Variants in ELAVL4 observed in about 807,000 individuals in gnomAD.
ELAVL4 encodes ELAV-like protein 4.
ELAVL4 carries 1 observed loss-of-function variant against 35.6 expected under a neutral mutation model. The observed-to-expected ratio is 0.03, with a 90% CI of 0.01 to 0.13. ELAVL4 has a LOEUF of 0.13. Among genes scored for constraint, ELAVL4 ranks in the 10% least tolerant of loss-of-function variants. The pLI is 1.00. For missense variants in ELAVL4, 267 were observed against 464.9 expected (o/e 0.57, Z 3.91); for synonymous variants, 156 against 171.0 (o/e 0.91, Z 0.69).
At chr1:50,106,228 G>A (rs1341852462), upstream of ELAVL4, 1 of 1,335,886 alleles carries the variant, frequency 7.5e-7, no homozygotes, top group East Asian at 2.4e-5. Context: ...ATTGGCTTCT[G>A]GTACAGTCCA....
At chr1:50,177,948 A>G (rs1334153664) in intron 3 of ELAVL4, among the ~76,000 whole-genome samples, 2 of 152,202 alleles carry the variant, frequency 1.3e-5, no homozygotes, top group Non-Finnish European at 2.9e-5. Flanking sequence ...AAGGAGGTTT[A>G]AGTTTCTGTC....
chr1:50,199,869 A>G (rs954679563), intron 6 of ELAVL4, among the ~76,000 whole-genome samples: 8 of 152,252 alleles, frequency 5.3e-5, no homozygotes, highest in African/African-American at 7.2e-5. Flanking sequence ...GATTTATTTC[A>G]TCAGACAGTG....
intron 2 of ELAVL4, among the ~76,000 whole-genome samples, chr1:50,153,522 T>C (rs1217610946): frequency 3.3e-5 from 5 of 152,136 alleles, no homozygotes; most frequent in Admixed American, 6.5e-5. Flanking sequence ...GAAGACAACA[T>C]CAGTTATGGG....
intron 1 of ELAVL4, among the ~76,000 whole-genome samples, chr1:50,056,359 G>A (rs77432783): frequency 2.6e-4 from 40 of 152,290 alleles, no homozygotes; most frequent in African/African-American, 9.1e-4. Context: ...ACATAAGTAC[G>A]TTTAGGTCAA....
intron 2 of ELAVL4, 27 bp downstream of exon 2, chr1:50,145,224 G>T (rs1209235923): frequency 2.5e-6 from 4 of 1,612,892 alleles, no homozygotes; most frequent in Admixed American, 3.3e-5. Flanking sequence ...AAGCTATGTT[G>T]TTCCATTAGA....
intron 1 of ELAVL4, among the ~76,000 whole-genome samples, chr1:50,079,489 G>A (rs996265887): frequency 1.3e-5 from 2 of 152,140 alleles, no homozygotes; most frequent in African/African-American, 2.4e-5. Flanking sequence ...GAGGGTGTCA[G>A]GTCTTTATAC....
At chr1:50,119,838 T>C (rs1205227567) in intron 1 of ELAVL4, among the ~76,000 whole-genome samples, 1 of 151,852 alleles carries the variant, frequency 6.6e-6, no homozygotes, top group Non-Finnish European at 1.5e-5. Flanking sequence ...TGCCCTATGG[T>C]GTCAGTTTGA....
chr1:50,175,670 T>C (rs995872762), intron 2 of ELAVL4: 1 of 152,260 alleles, frequency 6.6e-6, no homozygotes, highest in African/African-American at 2.4e-5. Flanking sequence ...CTTGTGATTC[T>C]CTTTGCTCCA....
intron 1 of ELAVL4, among the ~76,000 whole-genome samples, chr1:50,131,905 A>G (rs989188846): frequency 2.6e-5 from 4 of 151,474 alleles, no homozygotes; most frequent in African/African-American, 9.7e-5. Flanking sequence ...AAAAAAAACC[A>G]GAAGTTTGCA....
intron 1 of ELAVL4, among the ~76,000 whole-genome samples, chr1:50,056,891 C>T (rs537415126): frequency 1.8e-3 from 266 of 149,562 alleles, no homozygotes; most frequent in Non-Finnish European, 3.1e-3. Context: ...AAGATCGTGC[C>T]ACTGCACTCC....
At chr1:50,062,111 T>C (rs1664013177) in intron 1 of ELAVL4, among the ~76,000 whole-genome samples, 1 of 152,220 alleles carries the variant, frequency 6.6e-6, no homozygotes. Flanking sequence ...GAAGTTCATG[T>C]TCATCCAGTT....
At chr1:50,145,744 C>T (rs954609689) in intron 2 of ELAVL4, among the ~76,000 whole-genome samples, 1 of 152,170 alleles carries the variant, frequency 6.6e-6, no homozygotes, top group Non-Finnish European at 1.5e-5. Flanking sequence ...TAATGAAGAT[C>T]TGCATTTGAG....
rs1186919882 is a variant in ELAVL4 at position 50,201,250 on chromosome 1, CAT to C, written c.*74_*75del. ...CAAAACACACGCGCGCACACACACACATACACGAAAGAGAGAGAAACAAACTT... is the reference window on the plus strand; with the variant it reads ...CAAAACACACGCGCGCACACACACACACACGAAAGAGAGAGAAACAAACTT... On this transcript the variant is annotated 3_prime_UTR_variant, in exon 7 of 7. Transcript: ENST00000371824. The surrounding 1 kb of genome is among the most constrained non-coding windows in gnomAD (Gnocchi z 4.3). 13 of 1,432,804 alleles carry C rather than the reference CAT, an allele frequency of 9.1e-6. No homozygotes were observed. In the South Asian group the frequency reaches 1.4e-4, roughly 15 times the overall value. 88.8% of individuals were successfully genotyped at this position (1,432,804 alleles called of 1,614,324 possible).
chr1:50,192,415 G>C (rs1457210995), intron 3 of ELAVL4, among the ~76,000 whole-genome samples: 1 of 152,018 alleles, frequency 6.6e-6, no homozygotes, highest in Non-Finnish European at 1.5e-5. Flanking sequence ...TCCCCTGAAG[G>C]TCACAGAAGC....
chr1:50,086,407 C>T (rs1464453523), intron 1 of ELAVL4, among the ~76,000 whole-genome samples: 1 of 151,042 alleles, frequency 6.6e-6, no homozygotes, highest in Non-Finnish European at 1.5e-5. Flanking sequence ...AAATAGATTT[C>T]AAAATAAGGT....
At chr1:50,062,297 C>A (rs1239365697) in intron 1 of ELAVL4, among the ~76,000 whole-genome samples, 1 of 152,004 alleles carries the variant, frequency 6.6e-6, no homozygotes, top group Non-Finnish European at 1.5e-5. Flanking sequence ...CCCTGAGAGC[C>A]CAGAGGAGGG....
chr1:50,183,423 G>A (rs989183996), intron 3 of ELAVL4, among the ~76,000 whole-genome samples: 1 of 152,120 alleles, frequency 6.6e-6, no homozygotes, highest in Admixed American at 6.5e-5. Flanking sequence ...ACTTAGCCAT[G>A]AGGCAGTGGC....
chr1:50,174,432 AATC>A (rs921425799), intron 2 of ELAVL4: 34 of 151,154 alleles, frequency 2.2e-4, no homozygotes, highest in African/African-American at 7.3e-4. Flanking sequence ...TATCAAGGAG[AATC>A]ATCATCATTT....
At chr1:50,186,489 G>A (rs1226995885) in intron 3 of ELAVL4, among the ~76,000 whole-genome samples, 1 of 152,156 alleles carries the variant, frequency 6.6e-6, no homozygotes, top group African/African-American at 2.4e-5. Context: ...ATATACTGCT[G>A]TGTATCTTCT....
Sources: gnomAD v4.1 joint callset for allele counts (sites outside exome capture counted in the v4.1 genomes callset) on GRCh38, gnomAD v4.1.1 for gene constraint, Gnocchi (gnomAD v3.1) non-coding constraint, MANE v1.5 for transcripts, NCBI Gene and HGNC (gene_info 2026-07-23, HGNC 2026-07-21) for gene names.